The following EYS variants were observed in gnomAD, a reference collection of about 807,000 sequenced individuals.
EYS encodes EGF-like photoreceptor maintenance factor.
Under a neutral mutation model 282.1 loss-of-function variants are expected in EYS, and 250 were observed. The observed-to-expected ratio is 0.89, with a 90% CI of 0.80 to 0.98. The LOEUF (loss-of-function observed/expected upper bound fraction) is 0.98, where lower values mean the gene tolerates loss of function less well. Among genes scored for constraint, EYS ranks in the 50% least tolerant of loss-of-function variants. EYS has a pLI of 0.00. For synonymous variants in EYS, 1,355 were observed against 1,282.9 expected (o/e 1.06, Z -1.20); for missense variants, 4,016 against 3,709.0 (o/e 1.08, Z -2.15).
chr6:64,703,525 C>T (rs374837883), intron 22 of EYS, among the ~76,000 whole-genome samples: 11 of 147,188 alleles, frequency 7.5e-5, no homozygotes, highest in African/African-American at 1.2e-4. Flanking sequence ...CTCCACCTCC[C>T]GGGTTCAAGT....
rs76107511 is a variant in EYS, at chr6:65,202,980, C to T, written c.2023+92883G>A. Reference sequence around the variant, plus strand: ...GCACCTGCCTCAGAGAGCCTGGCTGCCAGCTCACCAGACCCAGTGCCGCAC... The same window carrying T: ...GCACCTGCCTCAGAGAGCCTGGCTGTCAGCTCACCAGACCCAGTGCCGCAC... On this transcript the variant is annotated intron_variant, in intron 12 of 42. Transcript: ENST00000503581. Among the ~76,000 whole-genome samples the T allele has an allele frequency of 4.4e-3, 673 of 152,270 alleles. 11 individuals are homozygous for T. The East Asian group carries it at 0.051, about 12-fold the overall frequency.
At chr6:63,927,453 C>T (rs1035213198) in intron 35 of EYS, among the ~76,000 whole-genome samples, 3 of 152,178 alleles carry the variant, frequency 2.0e-5, no homozygotes, top group African/African-American at 7.2e-5. Context: ...CCTAAAAAGT[C>T]ATGATCATAA....
Position 63,738,804 on chromosome 6 carries a change from C to G in EYS, c.8072-12124G>C, listed in dbSNP as rs1436784637. Among the ~76,000 whole-genome samples the G allele has an allele frequency of 2.0e-5, 3 of 152,110 alleles. No individual in the cohort carries two copies. In the East Asian group the frequency reaches 5.8e-4, roughly 29 times the overall value. On this transcript the variant is annotated intron_variant, in intron 41 of 42. Coordinates refer to ENST00000503581, the MANE Select transcript of EYS (RefSeq NM_001142800.2). Reference sequence around the variant, plus strand: ...AAATTCTCCATTTTCCCTTGTAATTCATTTCTACGTCAGGCAAAAGTATTC... The same window carrying G: ...AAATTCTCCATTTTCCCTTGTAATTGATTTCTACGTCAGGCAAAAGTATTC...
chr6:65,124,356 A>G (rs1775657193), intron 12 of EYS, among the ~76,000 whole-genome samples: 1 of 152,150 alleles, frequency 6.6e-6, no homozygotes, highest in Non-Finnish European at 1.5e-5. Context: ...TTAAATGTCA[A>G]TGGTACACTG....
chr6:65,005,104 G>C (rs984251980), intron 13 of EYS, among the ~76,000 whole-genome samples: 1 of 147,532 alleles, frequency 6.8e-6, no homozygotes, highest in Non-Finnish European at 1.5e-5. Context: ...CTGAGCTTTC[G>C]CTTGCCGTCC....
At chr6:64,690,151 T>A (rs1425846713) in intron 22 of EYS, among the ~76,000 whole-genome samples, 1 of 151,396 alleles carries the variant, frequency 6.6e-6, no homozygotes, top group Non-Finnish European at 1.5e-5. Flanking sequence ...AACAACCCCA[T>A]CAAAAAGTGG....
At chr6:63,895,278 T>G (rs561707930) in intron 35 of EYS, among the ~76,000 whole-genome samples, 159 of 152,352 alleles carry the variant, frequency 1.0e-3, no homozygotes, top group Non-Finnish European at 1.9e-3. Context: ...CAGCTAAAAT[T>G]GTATCCAACT....
chr6:65,523,647 TTGTATACGCTAAATA>T (rs1440768207), intron 2 of EYS, among the ~76,000 whole-genome samples: 11 of 152,162 alleles, frequency 7.2e-5, no homozygotes, highest in African/African-American at 2.7e-4. Context: ...AAAAATTGTG[TTGTATACGCTAAATA>T]TGCCCAATTT....
At chr6:65,587,853 T>C (rs1160157192) in intron 2 of EYS, among the ~76,000 whole-genome samples, 1 of 152,122 alleles carries the variant, frequency 6.6e-6, no homozygotes, top group Non-Finnish European at 1.5e-5. Flanking sequence ...CAACTTATTA[T>C]AGTTGTAGTT....
chr6:63,835,834 A>C (rs1489803387), intron 36 of EYS, among the ~76,000 whole-genome samples: 1 of 152,108 alleles, frequency 6.6e-6, no homozygotes, highest in African/African-American at 2.4e-5. Context: ...GAAGTAGAAA[A>C]AAGTGATAAA....
intron 13 of EYS, among the ~76,000 whole-genome samples, chr6:65,002,881 A>C (rs981070190): frequency 6.9e-6 from 1 of 144,924 alleles, no homozygotes; most frequent in Non-Finnish European, 1.5e-5. Flanking sequence ...ATGGACAATT[A>C]TCACTTCCCC....
chr6:64,390,544 C>T (rs1418795812), intron 28 of EYS, among the ~76,000 whole-genome samples: 1 of 150,684 alleles, frequency 6.6e-6, no homozygotes, highest in Admixed American at 6.6e-5. Flanking sequence ...GGTATTCCAA[C>T]AGACCTGCAG....
chr6:65,268,788 G>A (rs1280448459), intron 12 of EYS, among the ~76,000 whole-genome samples: 1 of 140,464 alleles, frequency 7.1e-6, no homozygotes, highest in Non-Finnish European at 1.5e-5. Flanking sequence ...GTAACATAAC[G>A]TGGTATTTCA....
chr6:64,662,032 A>C (rs1583012231), intron 22 of EYS, among the ~76,000 whole-genome samples: 1 of 152,014 alleles, frequency 6.6e-6, no homozygotes, highest in South Asian at 2.1e-4. Context: ...GCACATATAC[A>C]CCATGGAATA....
chr6:65,546,487 C>G lies in EYS; in HGVS notation c.-332-50494G>C, dbSNP rs188988102. On this transcript the variant is annotated intron_variant, in intron 2 of 42. Coordinates refer to ENST00000503581, the MANE Select transcript of EYS (RefSeq NM_001142800.2). ...TGAATATAAATGAAATAAGTCAATT[C>G]AAATGAGAATTTGACTTACAAAGAG... Among the ~76,000 whole-genome samples the G allele has an allele frequency of 8.3e-3, 1,268 of 152,176 alleles. 25 individuals carry two copies. The highest frequency in any genetic ancestry group is 0.029 in the African/African-American group (1,213 of 41,510).
chr6:64,658,827 A>C (rs1339898174), intron 22 of EYS, among the ~76,000 whole-genome samples: 3 of 152,176 alleles, frequency 2.0e-5, no homozygotes, highest in Admixed American at 6.5e-5. Context: ...TAGACAGATC[A>C]ACGAGACAGA....
chr6:64,002,014 C>A (rs1026065088), intron 33 of EYS, among the ~76,000 whole-genome samples: 4 of 152,188 alleles, frequency 2.6e-5, no homozygotes, highest in African/African-American at 9.7e-5. Context: ...TCTGGCTCAC[C>A]ATGTCCCCTA....
At chr6:63,781,062 T>C (rs531412495) in intron 39 of EYS, among the ~76,000 whole-genome samples, 1 of 152,360 alleles carries the variant, frequency 6.6e-6, no homozygotes, top group East Asian at 1.9e-4. Context: ...TGGTTGTAGA[T>C]GTGTGCTATT....
intron 35 of EYS, among the ~76,000 whole-genome samples, chr6:63,965,686 T>C (rs955318477): frequency 6.6e-6 from 1 of 152,190 alleles, no homozygotes; most frequent in African/African-American, 2.4e-5. Context: ...CTGTGTCAGC[T>C]GGGTTGATTT....
Sources: allele counts gnomAD v4.1 joint callset (sites outside exome capture counted in the v4.1 genomes callset), GRCh38; gene constraint gnomAD v4.1.1; transcripts MANE v1.5; gene names NCBI Gene and HGNC (gene_info 2026-07-23, HGNC 2026-07-21).